The following CCDC85A variants were observed in gnomAD, a reference collection of about 807,000 sequenced individuals.
The protein encoded by CCDC85A is coiled-coil domain containing 85A.
CCDC85A carries 38 observed loss-of-function variants against 50.2 expected under a neutral mutation model. The observed-to-expected ratio is 0.76, with a 90% CI of 0.58 to 0.99. The LOEUF (loss-of-function observed/expected upper bound fraction) is 0.99, where lower values mean the gene tolerates loss of function less well. Ranked by LOEUF, CCDC85A falls within the 50% of genes least tolerant of loss-of-function variation. The pLI, the probability that CCDC85A is intolerant of heterozygous loss-of-function variation, is 0.00. For missense variants in CCDC85A, 820 were observed against 742.0 expected, an observed-to-expected ratio of 1.11 and a Z score of -1.22; for synonymous variants, 366 against 301.4, an observed-to-expected ratio of 1.21 and a Z score of -2.22.
At chr2:56,207,067 G>T (rs1319267488) in intron 2 of CCDC85A, among the ~76,000 whole-genome samples, 1 of 152,122 alleles carries the variant, frequency 6.6e-6, no homozygotes, top group African/African-American at 2.4e-5. Context: ...AACAATAAAG[G>T]TAGACAAATA....
At chr2:56,230,402 C>T (rs796921466) in intron 2 of CCDC85A, among the ~76,000 whole-genome samples, 12 of 152,214 alleles carry the variant, frequency 7.9e-5, no homozygotes, top group African/African-American at 2.6e-4. Context: ...TTGAAAACAT[C>T]GTAAAAGAGA....
Position 56,314,974 on chromosome 2 carries a change from G to A in CCDC85A, c.1241-27905G>A, listed in dbSNP as rs112288117. Among the ~76,000 whole-genome samples the A allele has an allele frequency of 4.1e-4, 63 of 152,192 alleles. 1 individual carries two copies. Among genetic ancestry groups the A allele is most frequent in the African/African-American group, 1.5e-3 (61 of 41,544 alleles). ...TTCCTCCTTCCCTTCCCAGAGCCTG[G>A]TGTTGGTCTTAAAGTCAGCCTCCCC... is the stretch of plus-strand genomic sequence containing the variant. On this transcript the variant is annotated intron_variant, in intron 2 of 5. Coordinates refer to ENST00000407595, the MANE Select transcript of CCDC85A (RefSeq NM_001080433.2).
intron 2 of CCDC85A, among the ~76,000 whole-genome samples, chr2:56,278,016 T>A (rs1671037550): frequency 6.6e-6 from 1 of 152,108 alleles, no homozygotes; most frequent in Non-Finnish European, 1.5e-5. Flanking sequence ...ATGGGGGAGA[T>A]GAGGCTGGGG....
chr2:56,326,592 C>T (rs1328183724), intron 2 of CCDC85A, among the ~76,000 whole-genome samples: 2 of 152,024 alleles, frequency 1.3e-5, no homozygotes, highest in East Asian at 3.9e-4. Flanking sequence ...ACTGGGTGAA[C>T]ACATTTAGGT....
At position 56,322,447 on chromosome 2, in the gene CCDC85A, G is replaced by A. The variant is rs577761826; in HGVS notation, c.1241-20432G>A. Reference sequence around the variant, plus strand: ...ACAAAAAACTCAAACAGATTTACAAGAAAAAATCAAACAACCCCATTAAAA... The same window carrying A: ...ACAAAAAACTCAAACAGATTTACAAAAAAAAATCAAACAACCCCATTAAAA... On this transcript the variant is annotated intron_variant, in intron 2 of 5. Coordinates refer to ENST00000407595, the MANE Select transcript of CCDC85A (RefSeq NM_001080433.2). Among the ~76,000 whole-genome samples, 4 of 152,140 alleles carry A rather than the reference G, an allele frequency of 2.6e-5. No homozygotes were observed. The South Asian group carries it at 8.3e-4, about 32-fold the overall frequency.
At chr2:56,265,769 T>C (rs1670412744) in intron 2 of CCDC85A, among the ~76,000 whole-genome samples, 1 of 152,124 alleles carries the variant, frequency 6.6e-6, no homozygotes, top group Non-Finnish European at 1.5e-5. Flanking sequence ...GAATCACCCT[T>C]TGATCCAGCA....
chr2:56,326,414 C>G (rs183817790), intron 2 of CCDC85A, among the ~76,000 whole-genome samples: 24 of 152,244 alleles, frequency 1.6e-4, no homozygotes, highest in Admixed American at 5.9e-4. Flanking sequence ...ACCAAATTGA[C>G]TAGTCTGTTG....
At chr2:56,348,318 CAT>C (rs1404117913) in intron 3 of CCDC85A, among the ~76,000 whole-genome samples, 1 of 152,162 alleles carries the variant, frequency 6.6e-6, no homozygotes, top group Non-Finnish European at 1.5e-5. Flanking sequence ...TTTCTGAATC[CAT>C]AGAGGCACCC....
At chr2:56,206,442 C>T (rs1281547315) in intron 2 of CCDC85A, among the ~76,000 whole-genome samples, 1 of 152,098 alleles carries the variant, frequency 6.6e-6, no homozygotes, top group African/African-American at 2.4e-5. Context: ...GCTCATGATT[C>T]TGGAGGCTGG....
chr2:56,338,411 A>G (rs28608126), intron 2 of CCDC85A, among the ~76,000 whole-genome samples: 3,219 of 152,196 alleles, frequency 0.021, 103 homozygotes, highest in African/African-American at 0.072. Context: ...AGGACAAAAA[A>G]GGGAAATAGC....
At chr2:56,193,558 G>C in intron 2 of CCDC85A, 118 bp downstream of exon 2, 1 of 1,181,734 alleles carries the variant, frequency 8.5e-7, no homozygotes, top group Non-Finnish European at 1.2e-6. Context: ...GAGTGGGTTT[G>C]GGGAAGGAGC....
At chr2:56,222,465 T>C (rs940112512) in intron 2 of CCDC85A, among the ~76,000 whole-genome samples, 1 of 152,120 alleles carries the variant, frequency 6.6e-6, no homozygotes, top group Non-Finnish European at 1.5e-5. Flanking sequence ...TATTTTTATG[T>C]GCAGTCATGC....
At chr2:56,204,319 C>G (rs1039763828) in intron 2 of CCDC85A, among the ~76,000 whole-genome samples, 1 of 152,104 alleles carries the variant, frequency 6.6e-6, no homozygotes, top group Non-Finnish European at 1.5e-5. Context: ...GGAATAATAA[C>G]GACATATAAT....
At chr2:56,383,549 T>C in intron 5 of CCDC85A, 1 of 979,224 alleles carries the variant, frequency 1.0e-6, no homozygotes, top group Non-Finnish European at 1.2e-6. Context: ...ATATTGTAAT[T>C]GTATCTCTTT....
chr2:56,184,428 G>A lies in CCDC85A; in HGVS notation c.-197G>A. On this transcript the variant is annotated 5_prime_UTR_variant, in exon 1 of 6. Transcript: ENST00000407595. ...TGGCTGCCGGGCCCTGGGGGAGCGC[G>A]GGCGCGCGCGCGGGGATGGCGAGGT... 1.7e-6 allele frequency: 1 copy of A among 578,104 alleles called. No homozygotes were observed. Among genetic ancestry groups the A allele is most frequent in the Admixed American group, 4.7e-5 (1 of 21,264 alleles). 35.8% of individuals were successfully genotyped at this position (578,104 alleles called of 1,614,324 possible). A position where few individuals can be genotyped will look rare whatever the true frequency, so the allele number is the denominator to read the frequency against.
chr2:56,246,231 T>C lies in CCDC85A; in HGVS notation c.1240+52791T>C, dbSNP rs1669504756. 2.0e-5 allele frequency among the ~76,000 whole-genome samples: 3 copies of C among 152,322 alleles called. No individual in the cohort carries two copies. In the South Asian group the frequency reaches 6.2e-4, roughly 32 times the overall value. On this transcript the variant is annotated intron_variant, in intron 2 of 5. Transcript: ENST00000407595. Reference sequence around the variant, plus strand: ...GAGCCACCACGCCCGGCCCAAGTTATTTGTCTCTAATGTTTGAGTTATAGA... The same window carrying C: ...GAGCCACCACGCCCGGCCCAAGTTACTTGTCTCTAATGTTTGAGTTATAGA...
chr2:56,302,394 G>A (rs1672251372), intron 2 of CCDC85A, among the ~76,000 whole-genome samples: 1 of 152,178 alleles, frequency 6.6e-6, no homozygotes, highest in African/African-American at 2.4e-5. Flanking sequence ...GTAATGAGGG[G>A]CTTCTGAGAG....
intron 2 of CCDC85A, among the ~76,000 whole-genome samples, chr2:56,312,124 C>T (rs369642972): frequency 6.6e-6 from 1 of 152,092 alleles, no homozygotes; most frequent in East Asian, 1.9e-4. Flanking sequence ...TTAAGAGAAG[C>T]ACTGAGTGAA....
chr2:56,347,700 G>A (rs781493469), intron 3 of CCDC85A, among the ~76,000 whole-genome samples: 1 of 152,158 alleles, frequency 6.6e-6, no homozygotes, highest in Non-Finnish European at 1.5e-5. Context: ...GGGCCTTTTG[G>A]TTCAGAGTGA....
Sources: gnomAD v4.1 joint callset for allele counts (sites outside exome capture counted in the v4.1 genomes callset) on GRCh38, gnomAD v4.1.1 for gene constraint, MANE v1.5 for transcripts, NCBI Gene and HGNC (gene_info 2026-07-23, HGNC 2026-07-21) for gene names.